Variants in ZNF600 observed in about 807,000 individuals in gnomAD.
ZNF600 encodes zinc finger protein KR-ZNF1.
ZNF600 carries 4 observed loss-of-function variants against 7.3 expected under a neutral mutation model. The observed-to-expected ratio is 0.55, with a 90% CI of 0.27 to 1.25. ZNF600 has a LOEUF of 1.25. ZNF600 is among the 50% of genes most tolerant of loss of function. ZNF600 has a pLI of 0.12. For synonymous variants in ZNF600, 290 were observed against 308.9 expected, an observed-to-expected ratio of 0.94 and a Z score of 0.64; for missense variants, 911 against 922.1, an observed-to-expected ratio of 0.99 and a Z score of 0.16.
At chr19:52,807,759 G>C in the ZNF600 span, 1 of 640,278 alleles carries the variant, frequency 1.6e-6, no homozygotes. Flanking sequence ...ACAGGCGTGA[G>C]CCACCACGAC....
At chr19:52,812,445 C>T in the ZNF600 span, among the ~76,000 whole-genome samples, 1 of 123,690 alleles carries the variant, frequency 8.1e-6, no homozygotes, top group African/African-American at 3.6e-5. Context: ...GCCTTGGGAT[C>T]CTGTTGATCT....
chr19:52,770,039 A>G (rs2062619159), intron 3 of ZNF600, among the ~76,000 whole-genome samples: 1 of 152,256 alleles, frequency 6.6e-6, no homozygotes, highest in South Asian at 2.1e-4. Flanking sequence ...GAAAAAAGCC[A>G]CAACATCTAC....
chr19:52,827,958 C>G, the ZNF600 span, among the ~76,000 whole-genome samples: 7 of 152,092 alleles, frequency 4.6e-5, no homozygotes, highest in African/African-American at 1.7e-4. Context: ...TACTGTAATA[C>G]CTGGCTTTTC....
the ZNF600 span, chr19:52,809,865 C>T: frequency 1.5e-6 from 1 of 662,938 alleles, no homozygotes. Context: ...TAGCACTGGG[C>T]CTGCGGGCGG....
At chr19:52,801,938 C>T in the ZNF600 span, among the ~76,000 whole-genome samples, 1 of 152,052 alleles carries the variant, frequency 6.6e-6, no homozygotes, top group African/African-American at 2.4e-5. Flanking sequence ...TGACAGGGCA[C>T]AAACATGTGT....
At chr19:52,786,905 C>CG (rs574684850), upstream of ZNF600, 1 of 172,646 alleles carries the variant, frequency 5.8e-6, no homozygotes. Flanking sequence ...GGGACCTGTG[C>CG]TTCTCAGCCT....
At chr19:52,808,799 C>T in the ZNF600 span, among the ~76,000 whole-genome samples, 2 of 152,026 alleles carry the variant, frequency 1.3e-5, no homozygotes, top group Non-Finnish European at 2.9e-5. Context: ...GGCAACAAAC[C>T]GAGACCCCAT....
At chr19:52,800,230 C>G in the ZNF600 span, 19 of 1,613,010 alleles carry the variant, frequency 1.2e-5, no homozygotes, top group African/African-American at 1.6e-4. Flanking sequence ...TGATGACATG[C>G]AAGGTTTGCT....
chr19:52,775,058 G>C (rs1207350825), intron 2 of ZNF600, among the ~76,000 whole-genome samples: 1 of 152,038 alleles, frequency 6.6e-6, no homozygotes, highest in Non-Finnish European at 1.5e-5. Flanking sequence ...TGGCCAACAT[G>C]GTGAAAACCT....
rs1331485484 is a variant in ZNF600, at chr19:52,777,784, A to G, written c.63+1042T>C. On this transcript the variant is annotated intron_variant, in intron 2 of 3. Transcript: ENST00000648973. ...ATGGAGGTTGCAGTGAGCCGAGATC[A>G]TTCCATTGCACTCCACCTTTGGGGA... Among the ~76,000 whole-genome samples the G allele has an allele frequency of 2.6e-5, 4 of 151,950 alleles. No homozygotes were observed. In the East Asian group the frequency reaches 7.8e-4, roughly 30 times the overall value.
intron 3 of ZNF600, among the ~76,000 whole-genome samples, chr19:52,772,606 AAAAC>A (rs923857744): frequency 5.9e-5 from 9 of 152,314 alleles, no homozygotes; most frequent in African/African-American, 1.9e-4. Context: ...TCCATCTCAA[AAAAC>A]AAACAAACAA....
chr19:52,775,234 C>T (rs1241311411), intron 2 of ZNF600, among the ~76,000 whole-genome samples: 1 of 148,306 alleles, frequency 6.7e-6, no homozygotes, highest in Non-Finnish European at 1.5e-5. Flanking sequence ...ACTGACACTC[C>T]ATCTCAAAAA....
At chr19:52,803,551 T>C in the ZNF600 span, among the ~76,000 whole-genome samples, 1 of 152,300 alleles carries the variant, frequency 6.6e-6, no homozygotes, top group South Asian at 2.1e-4. Context: ...CAATTCCCTC[T>C]TAAGAAAAAA....
the ZNF600 span, among the ~76,000 whole-genome samples, chr19:52,808,648 A>G: frequency 7.9e-5 from 12 of 151,578 alleles, no homozygotes; most frequent in African/African-American, 2.4e-4. Flanking sequence ...AAAAATTAAA[A>G]AAAAAAACAA....
the ZNF600 span, among the ~76,000 whole-genome samples, chr19:52,813,891 A>C: frequency 6.9e-6 from 1 of 145,672 alleles, no homozygotes; most frequent in Non-Finnish European, 1.5e-5. Context: ...TTTGGAGGGA[A>C]TAGGAGGAAG....
chr19:52,800,131 T>C, the ZNF600 span: 1 of 1,614,004 alleles, frequency 6.2e-7, no homozygotes, highest in Non-Finnish European at 8.5e-7. Context: ...CCAGTATGAA[T>C]CCTCCTATGT....
chr19:52,809,822 A>AGGCAGCGGCGGCGGCGGCGGC, the ZNF600 span: 3 of 527,232 alleles, frequency 5.7e-6, no homozygotes, highest in Non-Finnish European at 1.0e-5. Context: ...TGAGCGGCGA[A>AGGCAGCGGCGGCGGCGGCGGC]GGCGGCGGCG....
chr19:52,810,110 G>A, the ZNF600 span: 1 of 809,188 alleles, frequency 1.2e-6, no homozygotes, highest in East Asian at 2.5e-5. Context: ...GCCAAGAGGA[G>A]GGGGAGGAGC....
In ZNF600 at chr19:52,776,379, A is replaced by T. The variant is rs185959270; in HGVS notation, c.64-1678T>A. Among the ~76,000 whole-genome samples the T allele has an allele frequency of 2.6e-5, 4 of 152,104 alleles. No homozygotes were observed. The East Asian group carries it at 7.7e-4, about 29-fold the overall frequency. On this transcript the variant is annotated intron_variant, in intron 2 of 3. Transcript: ENST00000648973. The stretch of plus-strand genomic sequence containing the variant: ...TCCTACAAGGTCGCTGAATGGACAC[A>T]CACAGGCATACATATAATCCTTCCC...
Sources: gnomAD v4.1 joint callset for allele counts (sites outside exome capture counted in the v4.1 genomes callset) on GRCh38, gnomAD v4.1.1 for gene constraint, MANE v1.5 for transcripts, NCBI Gene and HGNC (gene_info 2026-07-23, HGNC 2026-07-21) for gene names.